STK17B: variants seen among roughly 807,000 people sequenced by gnomAD.
The protein encoded by STK17B is serine/threonine-protein kinase 17B.
A neutral mutation model predicts 42.0 loss-of-function variants in STK17B; 21 were observed. The ratio of observed to expected loss-of-function variants is 0.50; its 90% CI spans 0.35 to 0.72. The LOEUF (loss-of-function observed/expected upper bound fraction) is 0.72. Among genes scored for constraint, STK17B ranks in the 30% least tolerant of loss-of-function variants. The probability of loss-of-function intolerance (pLI) is 0.00; values close to 1 mark genes in which losing one functional copy is unlikely to be tolerated. For synonymous variants in STK17B, 143 were observed against 148.4 expected, an observed-to-expected ratio of 0.96 and a Z score of 0.26; for missense variants, 349 against 446.0, an observed-to-expected ratio of 0.78 and a Z score of 1.96.
intron 3 of STK17B, chr2:196,151,500 G>A (rs1699665731): frequency 6.6e-6 from 1 of 152,204 alleles, no homozygotes. Context: ...CAAAGTGCTG[G>A]GATTACAGGT....
chr2:196,174,396 CAT>C (rs1021926813), upstream of STK17B: 14 of 152,382 alleles, frequency 9.2e-5, no homozygotes, highest in African/African-American at 3.1e-4. Flanking sequence ...TCACCGATTC[CAT>C]GTTTACTCCC....
At chr2:196,145,166 G>T (rs1056294410) in intron 4 of STK17B, among the ~76,000 whole-genome samples, 1 of 151,280 alleles carries the variant, frequency 6.6e-6, no homozygotes, top group Non-Finnish European at 1.5e-5. Flanking sequence ...GAACTACAGG[G>T]TTTTTTCTTT....
chr2:196,151,101 T>C (rs896111819), intron 3 of STK17B, among the ~76,000 whole-genome samples: 4 of 152,204 alleles, frequency 2.6e-5, no homozygotes, highest in Non-Finnish European at 4.4e-5. Flanking sequence ...TAATATTTAC[T>C]TAGAGATGTT....
intron 2 of STK17B, among the ~76,000 whole-genome samples, chr2:196,157,240 T>C (rs538835686): frequency 3.3e-4 from 51 of 152,288 alleles, no homozygotes; most frequent in African/African-American, 1.2e-3. Context: ...ATATAAATTA[T>C]TGTGTTTAAG....
Position 196,159,795 on chromosome 2 carries a change from T to C in STK17B, c.123-3144A>G, listed in dbSNP as rs543985259. The stretch of plus-strand genomic sequence containing the variant: ...AAATCTACAGTTTGTTAACACATAA[T>C]AGGAACTGAAATATCTGTTGAATGA... On this transcript the variant is annotated intron_variant, in intron 2 of 7. Coordinates refer to ENST00000263955, the MANE Select transcript of STK17B (RefSeq NM_004226.4). Among the ~76,000 whole-genome samples, 8 of 152,336 alleles carry C rather than the reference T, an allele frequency of 5.3e-5. No individual in the cohort carries two copies. In the East Asian group the frequency reaches 1.5e-3, roughly 29 times the overall value.
upstream of STK17B, among the ~76,000 whole-genome samples, chr2:196,174,698 G>C (rs1405672974): frequency 6.6e-6 from 1 of 152,238 alleles, no homozygotes; most frequent in Non-Finnish European, 1.5e-5. Flanking sequence ...GGTAGGAATA[G>C]TGAGTGTACT....
chr2:196,141,123 A>G lies in STK17B; in HGVS notation c.656+126T>C, dbSNP rs185673665. The G allele has an allele frequency of 4.6e-4, 320 of 692,056 alleles. 1 individual carries two copies. Among genetic ancestry groups the G allele is most frequent in the Non-Finnish European group, 7.2e-4 (295 of 406,986 alleles). The allele number at this position is 692,056 out of a possible 1,614,324, so 42.9% of individuals were successfully genotyped here. On this transcript the variant is annotated intron_variant, in intron 6 of 7. Transcript: ENST00000263955. ...GGTAAATATTTTCCTGTAGCATAATAATGATATTCAAATAAAATCTTTTGA... is the reference window on the plus strand; with the variant it reads ...GGTAAATATTTTCCTGTAGCATAATGATGATATTCAAATAAAATCTTTTGA...
intron 1 of STK17B, among the ~76,000 whole-genome samples, chr2:196,168,872 T>TA (rs781065807): frequency 6.6e-6 from 1 of 152,122 alleles, no homozygotes; most frequent in Non-Finnish European, 1.5e-5. Context: ...TACTTAAACA[T>TA]AAAATCACTG....
rs1699359373 is a variant in STK17B at position 196,133,984 on chromosome 2, T to C, written c.*3463A>G. 4 of 152,184 alleles carry C rather than the reference T, an allele frequency of 2.6e-5. No individual in the cohort carries two copies. Among genetic ancestry groups the C allele is most frequent in the Admixed American group, 2.0e-4 (3 of 15,286 alleles). 9.4% of individuals were successfully genotyped at this position (152,184 alleles called of 1,614,324 possible). A position where few individuals can be genotyped will look rare whatever the true frequency, so the allele number is the denominator to read the frequency against. On this transcript the variant is annotated 3_prime_UTR_variant, in exon 8 of 8. Coordinates refer to ENST00000263955, the MANE Select transcript of STK17B (RefSeq NM_004226.4). ...GTACAGTTGTTTATACAACAATGAA[T>C]AAGGACAAGATATCAAACTGAAAAT...
In STK17B at chr2:196,135,902, T is replaced by TG. The variant is rs1322385325; in HGVS notation, c.*1544dup. The TG allele has an allele frequency of 6.6e-6, 1 of 151,134 alleles. No homozygotes were observed. Among genetic ancestry groups the TG allele is most frequent in the Non-Finnish European group, 1.5e-5 (1 of 67,786 alleles). 9.4% of individuals were successfully genotyped at this position (151,134 alleles called of 1,614,324 possible). ...CTATCTATAGATATATACATACACC[T>TG]GTACATACACACATGTGCACACATA... is the stretch of plus-strand genomic sequence containing the variant. On this transcript the variant is annotated 3_prime_UTR_variant, in exon 8 of 8. Transcript: ENST00000263955.
chr2:196,171,879 C>T (rs891557753), upstream of STK17B, among the ~76,000 whole-genome samples: 3 of 152,026 alleles, frequency 2.0e-5, no homozygotes, highest in Admixed American at 1.3e-4. Flanking sequence ...GGAACTACTG[C>T]TCTGTGTACT....
Position 196,164,877 on chromosome 2 carries a change from A to T in STK17B, c.-44-1450T>A, listed in dbSNP as rs563427446. On this transcript the variant is annotated intron_variant, in intron 1 of 7. Coordinates refer to ENST00000263955, the MANE Select transcript of STK17B (RefSeq NM_004226.4). ...TAAAATTGTTTTCTCTACATCTCTTAGTCTTTGGGGAAACAGCTCTAACTA... is the reference window on the plus strand; with the variant it reads ...TAAAATTGTTTTCTCTACATCTCTTTGTCTTTGGGGAAACAGCTCTAACTA... Among the ~76,000 whole-genome samples the T allele has an allele frequency of 5.3e-5, 8 of 152,298 alleles. No homozygotes were observed. The South Asian group carries it at 1.7e-3, about 32-fold the overall frequency.
intron 2 of STK17B, among the ~76,000 whole-genome samples, chr2:196,157,159 A>G (rs1345830812): frequency 7.2e-6 from 1 of 138,694 alleles, no homozygotes; most frequent in African/African-American, 2.5e-5. Flanking sequence ...CAAAAAAAAA[A>G]TAAAAAAAAG....
At chr2:196,140,854 C>T (rs1231940216) in intron 6 of STK17B, among the ~76,000 whole-genome samples, 2 of 152,140 alleles carry the variant, frequency 1.3e-5, no homozygotes, top group Admixed American at 6.6e-5. Context: ...TAAGCCACCA[C>T]GCCCGGCCAA....
At chr2:196,159,196 G>GA (rs1426122842) in intron 2 of STK17B, among the ~76,000 whole-genome samples, 9 of 151,628 alleles carry the variant, frequency 5.9e-5, no homozygotes, top group African/African-American at 1.9e-4. Flanking sequence ...CTGTGCATCT[G>GA]AAAAAACAGT....
intron 3 of STK17B, among the ~76,000 whole-genome samples, chr2:196,150,046 G>A (rs114722262): frequency 0.013 from 2,016 of 152,142 alleles, 48 homozygotes; most frequent in African/African-American, 0.046. Flanking sequence ...GACTTAAGAG[G>A]AGGGAAAGAA....
chr2:196,174,890 T>G (rs574839340), upstream of STK17B, among the ~76,000 whole-genome samples: 1 of 152,340 alleles, frequency 6.6e-6, no homozygotes, highest in East Asian at 1.9e-4. Context: ...CTGGTACAAG[T>G]GTCTTCCTTA....
intron 5 of STK17B, 142 bp downstream of exon 5, chr2:196,143,418 C>G: frequency 1.3e-6 from 1 of 765,644 alleles, no homozygotes; most frequent in South Asian, 2.6e-5. Flanking sequence ...TTAACCTAAC[C>G]AAGTTTTAAT....
upstream of STK17B, among the ~76,000 whole-genome samples, chr2:196,172,596 T>C (rs905276774): frequency 6.6e-6 from 1 of 152,236 alleles, no homozygotes; most frequent in Non-Finnish European, 1.5e-5. Flanking sequence ...CAAATTCCTG[T>C]GAAGCTAGCT....
Sources: allele counts gnomAD v4.1 joint callset (sites outside exome capture counted in the v4.1 genomes callset), GRCh38; gene constraint gnomAD v4.1.1; transcripts MANE v1.5; gene names NCBI Gene and HGNC (gene_info 2026-07-23, HGNC 2026-07-21).